The following CD24 variants were observed in gnomAD, a reference collection of about 807,000 sequenced individuals.
The protein encoded by CD24 is signal transducer CD24.
A neutral mutation model predicts 3.6 loss-of-function variants in CD24; 2 were observed. That is an observed-to-expected ratio of 0.56 (90% confidence interval 0.23 to 1.77). The LOEUF (loss-of-function observed/expected upper bound fraction) is 1.77, where lower values mean the gene tolerates loss of function less well. CD24 is among the 40% of genes most tolerant of loss of function. The pLI is 0.18. For missense variants in CD24, 62 were observed against 93.6 expected (o/e 0.66, Z 1.39); for synonymous variants, 33 against 44.9 (o/e 0.74, Z 1.06).
At chr6:106,972,307 C>T (rs1182478315) in intron 1 of CD24, among the ~76,000 whole-genome samples, 2 of 152,172 alleles carry the variant, frequency 1.3e-5, no homozygotes, top group Non-Finnish European at 2.9e-5. Context: ...TGCTAGGTAA[C>T]TTTCACATAC....
rs1394201418 is a variant in CD24 at position 106,971,685 on chromosome 6, G to C, written c.219C>G (p.Leu73=). 4.8e-5 allele frequency: 75 copies of C among 1,547,584 alleles called. No homozygotes were observed. In the South Asian group the frequency reaches 6.4e-4, roughly 13 times the overall value. ...CTTAAGAGTAGAGATGCAGAAGAGA[G>C]AGTGAGACCACGAAGAGACTGGCTG... ...QSTASLFVVS[L]SLLHLYS The change falls in exon 2 of 2, where the codon CTC becomes CTG. Residue 73 remains leucine, a synonymous_variant. Coordinates refer to ENST00000606017, the MANE Select transcript of CD24 (RefSeq NM_001359084.1).
chr6:106,976,601 T>C (rs1006782431), upstream of CD24, among the ~76,000 whole-genome samples: 11 of 152,278 alleles, frequency 7.2e-5, no homozygotes, highest in African/African-American at 2.4e-4. Context: ...CCCAGCACTT[T>C]AGGAGGCTGA....
At chr6:106,972,191 C>T (rs1312651711) in intron 1 of CD24, among the ~76,000 whole-genome samples, 4 of 152,106 alleles carry the variant, frequency 2.6e-5, no homozygotes, top group African/African-American at 9.7e-5. Context: ...TCTATTTTCC[C>T]AGAAAGGGGG....
intron 1 of CD24, among the ~76,000 whole-genome samples, 196 bp from the exon 2 acceptor site, chr6:106,972,030 G>C (rs1190996268): frequency 1.3e-5 from 2 of 152,070 alleles, no homozygotes; most frequent in Admixed American, 6.5e-5. Flanking sequence ...AAACTACCTA[G>C]AGATGCCTCA....
intron 1 of CD24, chr6:106,974,170 T>TTAAAAAA: frequency 2.8e-6 from 1 of 352,268 alleles, no homozygotes; most frequent in Non-Finnish European, 5.0e-6. Context: ...AAGACATTCC[T>TTAAAAAA]AGGGGAAAGC....
Position 106,969,881 on chromosome 6 carries a change from C to T in CD24, c.*1780G>A, listed in dbSNP as rs1287112428. 6.6e-6 allele frequency: 1 copy of T among 152,510 alleles called. No homozygotes were observed. Among genetic ancestry groups the T allele is most frequent in the Non-Finnish European group, 1.5e-5 (1 of 68,022 alleles). The allele number at this position is 152,510 out of a possible 1,614,324, so 9.4% of individuals were successfully genotyped here. ...TTTACAGTTTGTGTTCAATGCAAATCAATTCCATAAGAAGTTACTATGAAT... is the reference window on the plus strand; with the variant it reads ...TTTACAGTTTGTGTTCAATGCAAATTAATTCCATAAGAAGTTACTATGAAT... On this transcript the variant is annotated 3_prime_UTR_variant, in exon 2 of 2. Transcript: ENST00000606017.
upstream of CD24, among the ~76,000 whole-genome samples, chr6:106,976,107 A>G (rs1200318184): frequency 6.6e-6 from 1 of 152,242 alleles, no homozygotes; most frequent in African/African-American, 2.4e-5. Context: ...GGTTTAGCCC[A>G]AGTGTTTTTC....
At chr6:106,973,811 A>T in intron 1 of CD24, 1 of 398,408 alleles carries the variant, frequency 2.5e-6, no homozygotes, top group South Asian at 1.3e-4. Flanking sequence ...CGGATGGAGG[A>T]TCTAGGGAGA....
upstream of CD24, among the ~76,000 whole-genome samples, chr6:106,976,658 A>C (rs1773111956): frequency 6.6e-6 from 1 of 152,170 alleles, no homozygotes; most frequent in Non-Finnish European, 1.5e-5. Flanking sequence ...AACCTGACCA[A>C]CATGGTGAAA....
At chr6:106,972,058 C>T (rs1191357765) in intron 1 of CD24, among the ~76,000 whole-genome samples, 2 of 152,068 alleles carry the variant, frequency 1.3e-5, no homozygotes, top group Non-Finnish European at 2.9e-5. Context: ...CAAGTGGCAA[C>T]AAGAACAAAA....
Position 106,971,091 on chromosome 6 carries a change from T to G in CD24, c.*570A>C. The G allele has an allele frequency of 6.5e-6, 1 of 152,688 alleles. No individual in the cohort carries two copies. Among genetic ancestry groups the G allele is most frequent in the Non-Finnish European group, 1.5e-5 (1 of 68,454 alleles). The allele number at this position is 152,688 out of a possible 1,614,324, so 9.5% of individuals were successfully genotyped here. A position where few individuals can be genotyped will look rare whatever the true frequency, so the allele number is the denominator to read the frequency against. On this transcript the variant is annotated 3_prime_UTR_variant, in exon 2 of 2. Coordinates refer to ENST00000606017, the MANE Select transcript of CD24 (RefSeq NM_001359084.1). ...GCCTCAGGAGGAAAGTGAGTTCAGT[T>G]CCCAAGAGAACAGCAATAGCTCAAC...
At chr6:106,974,740 G>A (rs1384683849), upstream of CD24, 3 of 1,290,320 alleles carry the variant, frequency 2.3e-6, no homozygotes, top group Non-Finnish European at 3.1e-6. Context: ...GGGGAGCGCG[G>A]CGAGCCGGCG....
At chr6:106,974,855 G>T (rs1280048527), upstream of CD24, 4 of 266,070 alleles carry the variant, frequency 1.5e-5, no homozygotes, top group Admixed American at 5.8e-5. Context: ...TCCCCGCCCC[G>T]CTCCGGGTTC....
At position 106,971,586 on chromosome 6, in the gene CD24, T is replaced by C. The variant is rs1449734199; in HGVS notation, c.*75A>G. The C allele has an allele frequency of 1.1e-4, 131 of 1,228,804 alleles. No individual in the cohort carries two copies. The highest frequency in any genetic ancestry group is 1.0e-4 in the Admixed American group (4 of 40,094). 76.1% of individuals were successfully genotyped at this position (1,228,804 alleles called of 1,614,324 possible). A position where few individuals can be genotyped will look rare whatever the true frequency, so the allele number is the denominator to read the frequency against. ...TGAAGACCTGTTTTTCCTTGCCACA[T>C]TGGACTTCCAGACGCCATTTGGATT... On this transcript the variant is annotated 3_prime_UTR_variant, in exon 2 of 2. Transcript: ENST00000606017.
At chr6:106,973,956 T>G in intron 1 of CD24, 1 of 398,280 alleles carries the variant, frequency 2.5e-6, no homozygotes. Flanking sequence ...GCGATGGACG[T>G]GAAAGGTTGC....
chr6:106,974,073 A>G (rs1008822306), intron 1 of CD24: 1 of 396,326 alleles, frequency 2.5e-6, no homozygotes. Context: ...GGGATACCCA[A>G]TCCAACTCCG....
intron 1 of CD24, among the ~76,000 whole-genome samples, chr6:106,973,056 A>T (rs1272838328): frequency 5.9e-5 from 9 of 152,140 alleles, no homozygotes; most frequent in Non-Finnish European, 1.3e-4. Context: ...CAATAAAGAA[A>T]AGCATTAATA....
At chr6:106,974,544 G>A (rs894151782) in intron 1 of CD24, 34 bp downstream of exon 1, 1 of 1,322,752 alleles carries the variant, frequency 7.6e-7, no homozygotes, top group South Asian at 1.6e-5. Context: ...CCCCGGGAAC[G>A]GCCCTCGAGC....
rs1422564868 is a variant in CD24 at position 106,970,013 on chromosome 6, G to A, written c.*1648C>T. On this transcript the variant is annotated 3_prime_UTR_variant, in exon 2 of 2. Coordinates refer to ENST00000606017, the MANE Select transcript of CD24 (RefSeq NM_001359084.1). ...ACACACAGTAGCTTCAAAACTGTTC[G>A]ATCTGTTTGTTCCCATGTAGTTTTC... is the stretch of plus-strand genomic sequence containing the variant. 43 of 152,698 alleles carry A rather than the reference G, an allele frequency of 2.8e-4. No individual in the cohort carries two copies. The highest frequency in any genetic ancestry group is 9.9e-4 in the African/African-American group (41 of 41,556). The allele number at this position is 152,698 out of a possible 1,614,324, so 9.5% of individuals were successfully genotyped here.
Sources: allele counts gnomAD v4.1 joint callset (sites outside exome capture counted in the v4.1 genomes callset), GRCh38; gene constraint gnomAD v4.1.1; transcripts MANE v1.5; gene names NCBI Gene and HGNC (gene_info 2026-07-23, HGNC 2026-07-21).